RSPO3: variants seen among roughly 807,000 people sequenced by gnomAD.
RSPO3 encodes the protein R-spondin 3, also known as R-spondin-3.
A neutral mutation model predicts 36.5 loss-of-function variants in RSPO3; 17 were observed. The observed-to-expected ratio is 0.47, with a 90% CI of 0.32 to 0.70. The LOEUF is 0.70. Ranked by LOEUF, RSPO3 falls within the 30% of genes least tolerant of loss-of-function variation. RSPO3 has a pLI of 0.04. For missense variants in RSPO3, 294 were observed against 322.5 expected, an observed-to-expected ratio of 0.91 and a Z score of 0.68; for synonymous variants, 108 against 107.0, an observed-to-expected ratio of 1.01 and a Z score of -0.06.
At position 127,178,929 on chromosome 6, in the gene RSPO3, G is replaced by A. The variant is rs6927490; in HGVS notation, c.635-16894G>A. Among the ~76,000 whole-genome samples the A allele has an allele frequency of 5.2e-3, 795 of 151,968 alleles. 6 individuals carry two copies. Among genetic ancestry groups the A allele is most frequent in the African/African-American group, 0.017 (726 of 41,504 alleles). On this transcript the variant is annotated intron_variant, in intron 4 of 4. Coordinates refer to ENST00000356698, the MANE Select transcript of RSPO3 (RefSeq NM_032784.5). ...ACTGAAGCGGTGAACACCCAGAGGA[G>A]AGAAAACATGGGAATAAATTCCCCA...
At chr6:127,190,479 T>C (rs1223227833) in intron 4 of RSPO3, among the ~76,000 whole-genome samples, 1 of 152,108 alleles carries the variant, frequency 6.6e-6, no homozygotes, top group Non-Finnish European at 1.5e-5. Context: ...ATTTTCATTC[T>C]CTATACATAA....
intron 4 of RSPO3, among the ~76,000 whole-genome samples, chr6:127,161,815 G>C (rs548727250): frequency 9.9e-5 from 15 of 152,172 alleles, no homozygotes; most frequent in Non-Finnish European, 2.1e-4. Flanking sequence ...TTATTGAATA[G>C]AGTGGTAGCA....
chr6:127,150,457 C>T lies in RSPO3; in HGVS notation c.321C>T (p.Asn107=), dbSNP rs1774469533. The T allele has an allele frequency of 1.9e-6, 3 of 1,611,854 alleles. No individual in the cohort carries two copies. Among genetic ancestry groups the T allele is most frequent in the Non-Finnish European group, 2.5e-6 (3 of 1,178,966 alleles). The part of the protein sequence containing the change: ...KCKADCDTCF[N]KNFCTKCKSG... Reference sequence around the variant, plus strand: ...AAGCTGACTGTGATACCTGTTTCAACAAAAATTTCTGCACAAAATGTAAAA... The same window carrying T: ...AAGCTGACTGTGATACCTGTTTCAATAAAAATTTCTGCACAAAATGTAAAA... Residue 107 remains asparagine (N), a synonymous_variant, in exon 3 of 5, where the codon AAC becomes AAT. Transcript: ENST00000356698.
In RSPO3 at chr6:127,150,526, A is replaced by G. The variant is rs574514914; in HGVS notation, c.390A>G (p.Pro130=). 1.2e-6 allele frequency: 2 copies of G among 1,612,346 alleles called. No homozygotes were observed. Among genetic ancestry groups the G allele is most frequent in the South Asian group, 1.1e-5 (1 of 90,930 alleles). Residue 130 remains proline (P), a synonymous_variant, in exon 3 of 5, where the codon CCA becomes CCG. Coordinates refer to ENST00000356698, the MANE Select transcript of RSPO3 (RefSeq NM_032784.5). The part of the protein sequence containing the change: ...LHLGKCLDNC[P]EGLEANNHTM... ...TTGGAAAGTGCCTTGACAATTGCCC[A>G]GAAGGGTTGGAAGCCAACAACCATA...
chr6:127,177,043 C>T (rs531292550), intron 4 of RSPO3, among the ~76,000 whole-genome samples: 43 of 151,818 alleles, frequency 2.8e-4, no homozygotes, highest in Non-Finnish European at 5.5e-4. Context: ...TTTTCACCCA[C>T]GATTAGCCTG....
intron 1 of RSPO3, among the ~76,000 whole-genome samples, chr6:127,132,902 T>C (rs919425869): frequency 1.3e-5 from 2 of 152,068 alleles, no homozygotes; most frequent in Non-Finnish European, 2.9e-5. Flanking sequence ...CCTGTGATAC[T>C]AGACTAGGAA....
At chr6:127,122,180 G>T (rs538796264) in intron 1 of RSPO3, among the ~76,000 whole-genome samples, 1 of 152,246 alleles carries the variant, frequency 6.6e-6, no homozygotes, top group South Asian at 2.1e-4. Flanking sequence ...TCTCTACTTT[G>T]ATATAAACTA....
intron 4 of RSPO3, among the ~76,000 whole-genome samples, chr6:127,186,450 A>C (rs1293014901): frequency 6.6e-6 from 1 of 152,176 alleles, no homozygotes. Flanking sequence ...GATGGATAAT[A>C]CAGCTGTGGT....
chr6:127,156,024 T>C (rs1485868603), intron 4 of RSPO3, among the ~76,000 whole-genome samples: 1 of 152,036 alleles, frequency 6.6e-6, no homozygotes, highest in East Asian at 1.9e-4. Context: ...CACCTCAGCC[T>C]CCCAAAATGC....
intron 4 of RSPO3, among the ~76,000 whole-genome samples, chr6:127,192,360 A>G (rs1229457066): frequency 1.5e-4 from 23 of 152,206 alleles, no homozygotes; most frequent in Non-Finnish European, 1.5e-5. Context: ...ACCATGCTAA[A>G]TGCTCTACCA....
Position 127,128,344 on chromosome 6 carries a change from T to A in RSPO3, c.97+9055T>A, listed in dbSNP as rs1773983288. Reference sequence around the variant, plus strand: ...TCACATTAGAATTTCCTGGGGATCTTTAAAAAGATACTAATGCCCAGACTC... The same window carrying A: ...TCACATTAGAATTTCCTGGGGATCTATAAAAAGATACTAATGCCCAGACTC... On this transcript the variant is annotated intron_variant, in intron 1 of 4. Transcript: ENST00000356698. Among the ~76,000 whole-genome samples the A allele has an allele frequency of 2.0e-5, 3 of 151,152 alleles. No individual in the cohort carries two copies. In the South Asian group the frequency reaches 6.2e-4, roughly 31 times the overall value.
chr6:127,168,833 C>A (rs914011942), intron 4 of RSPO3, among the ~76,000 whole-genome samples: 2 of 152,068 alleles, frequency 1.3e-5, no homozygotes, highest in African/African-American at 4.8e-5. Context: ...CCAGTTTTCC[C>A]AGCACCATTT....
At chr6:127,137,706 C>G (rs921084157) in intron 1 of RSPO3, among the ~76,000 whole-genome samples, 3 of 152,180 alleles carry the variant, frequency 2.0e-5, no homozygotes, top group African/African-American at 7.2e-5. Context: ...CATTTTCCCT[C>G]CTTCCCCCTT....
intron 4 of RSPO3, among the ~76,000 whole-genome samples, chr6:127,169,429 T>C (rs1774893275): frequency 6.6e-6 from 1 of 151,894 alleles, no homozygotes; most frequent in Non-Finnish European, 1.5e-5. Flanking sequence ...TAGGTATGTA[T>C]AAGCTATCTT....
chr6:127,197,634 G>A lies in RSPO3; in HGVS notation c.*1627G>A. 1 of 1,381,576 alleles carries A rather than the reference G, an allele frequency of 7.2e-7. No homozygotes were observed. Among genetic ancestry groups the A allele is most frequent in the Non-Finnish European group, 9.6e-7 (1 of 1,038,824 alleles). 85.6% of individuals were successfully genotyped at this position (1,381,576 alleles called of 1,614,324 possible). On this transcript the variant is annotated 3_prime_UTR_variant, in exon 5 of 5. Transcript: ENST00000356698. ...CACTGCTTTCTGAAGAATTTGCAAT[G>A]ACTCTGGCTTCTGGCTGCTTATCTC...
intron 1 of RSPO3, among the ~76,000 whole-genome samples, chr6:127,144,989 C>T (rs538267530): frequency 7.9e-5 from 12 of 152,222 alleles, no homozygotes; most frequent in African/African-American, 2.9e-4. Flanking sequence ...TCTCCAACAG[C>T]CACTCCAAAG....
At position 127,198,384 on chromosome 6, in the gene RSPO3, C is replaced by A. The variant is rs1775556386; in HGVS notation, c.*2377C>A. On this transcript the variant is annotated 3_prime_UTR_variant, in exon 5 of 5. Coordinates refer to ENST00000356698, the MANE Select transcript of RSPO3 (RefSeq NM_032784.5). ...ATCCACCAGTAACAGATCCTTAAGA[C>A]AATAGAATCATACAGTATTCAAACC... 3.9e-5 allele frequency among the ~76,000 whole-genome samples: 6 copies of A among 152,190 alleles called. No individual in the cohort carries two copies. The highest frequency in any genetic ancestry group is 3.9e-4 in the Admixed American group (6 of 15,284).
chr6:127,184,479 G>C (rs1447806202), intron 4 of RSPO3, among the ~76,000 whole-genome samples: 1 of 152,002 alleles, frequency 6.6e-6, no homozygotes, highest in African/African-American at 2.4e-5. Context: ...AGCAAAGGAA[G>C]AGGAGTGAAA....
chr6:127,162,063 T>C (rs1774720088), intron 4 of RSPO3, among the ~76,000 whole-genome samples: 1 of 152,152 alleles, frequency 6.6e-6, no homozygotes, highest in South Asian at 2.1e-4. Context: ...AATTGCCATG[T>C]TTCTATTATC....
Sources: allele counts gnomAD v4.1 joint callset (sites outside exome capture counted in the v4.1 genomes callset), GRCh38; gene constraint gnomAD v4.1.1; transcripts MANE v1.5; gene names NCBI Gene and HGNC (gene_info 2026-07-23, HGNC 2026-07-21).